Variants in CADPS2 observed in about 807,000 individuals in gnomAD.
The protein encoded by CADPS2 is calcium dependent secretion activator 2, also known as calcium-dependent secretion activator 2.
In CADPS2, 93 loss-of-function variants were observed where a neutral mutation model predicts 172.5. That is an observed-to-expected ratio of 0.54 (90% CI 0.46 to 0.64). The LOEUF (loss-of-function observed/expected upper bound fraction) is 0.64. CADPS2 is among the 30% of genes least tolerant of loss of function. The probability of loss-of-function intolerance (pLI) is 0.00; values close to 1 mark genes in which losing one functional copy is unlikely to be tolerated. For missense variants in CADPS2, 1,420 were observed against 1,565.9 expected (o/e 0.91, Z 1.57); for synonymous variants, 546 against 555.2 (o/e 0.98, Z 0.23).
intron 9 of CADPS2, among the ~76,000 whole-genome samples, chr7:122,511,110 T>C (rs980550544): frequency 1.3e-5 from 2 of 152,184 alleles, no homozygotes; most frequent in Non-Finnish European, 2.9e-5. Flanking sequence ...CTTTCTTAAA[T>C]TTAAATTATG....
chr7:122,566,074 A>G (rs1193825144), intron 7 of CADPS2, among the ~76,000 whole-genome samples: 1 of 152,154 alleles, frequency 6.6e-6, no homozygotes, highest in Admixed American at 6.6e-5. Flanking sequence ...ATTTAGCACA[A>G]TGTCTCCCAG....
chr7:122,743,554 CA>C (rs569314992), intron 1 of CADPS2, among the ~76,000 whole-genome samples: 57 of 152,254 alleles, frequency 3.7e-4, no homozygotes, highest in Middle Eastern at 3.4e-3. Flanking sequence ...GATTCCACAG[CA>C]AAGTGGCAGA....
At chr7:122,754,202 A>G (rs756931862) in intron 1 of CADPS2, among the ~76,000 whole-genome samples, 1 of 152,194 alleles carries the variant, frequency 6.6e-6, no homozygotes, top group African/African-American at 2.4e-5. Context: ...CCCTATTAAC[A>G]AAGTAGTGCT....
At chr7:122,388,297 A>T (rs1324538889) in intron 23 of CADPS2, among the ~76,000 whole-genome samples, 1 of 152,068 alleles carries the variant, frequency 6.6e-6, no homozygotes, top group Non-Finnish European at 1.5e-5. Flanking sequence ...AATTTAAAGC[A>T]TAGTATTCCC....
chr7:122,826,066 G>C (rs948347708), intron 1 of CADPS2, among the ~76,000 whole-genome samples: 2 of 152,200 alleles, frequency 1.3e-5, no homozygotes, highest in Non-Finnish European at 2.9e-5. Context: ...GTCCCATACA[G>C]CAAGGCAGCA....
chr7:122,500,640 G>A (rs1471360387), intron 9 of CADPS2, among the ~76,000 whole-genome samples: 1 of 152,122 alleles, frequency 6.6e-6, no homozygotes, highest in Non-Finnish European at 1.5e-5. Context: ...AGGATACACA[G>A]ATAGCTATGA....
intron 20 of CADPS2, among the ~76,000 whole-genome samples, chr7:122,399,734 T>G (rs2045686670): frequency 7.7e-6 from 1 of 129,834 alleles, no homozygotes; most frequent in Non-Finnish European, 1.6e-5. Flanking sequence ...TCACCAAGTC[T>G]GGAGTGCAGT....
chr7:122,484,713 A>G lies in CADPS2; in HGVS notation c.1853-3853T>C, dbSNP rs147590465. Reference sequence around the variant, plus strand: ...CACTATTAAGAGATGTGAAAAGACAAGCCATAGATTAGGAGAAAATATTTG... The same window carrying G: ...CACTATTAAGAGATGTGAAAAGACAGGCCATAGATTAGGAGAAAATATTTG... On this transcript the variant is annotated intron_variant, in intron 11 of 29. Transcript: ENST00000449022. Among the ~76,000 whole-genome samples the G allele has an allele frequency of 2.0e-3, 308 of 152,116 alleles. 1 individual carries two copies. The highest frequency in any genetic ancestry group is 6.5e-3 in the African/African-American group (268 of 41,504).
chr7:122,512,497 G>C (rs2060074888), intron 9 of CADPS2, among the ~76,000 whole-genome samples: 1 of 152,042 alleles, frequency 6.6e-6, no homozygotes, highest in Admixed American at 6.6e-5. Flanking sequence ...TGTTCTATGA[G>C]CAAAGTTATC....
intron 1 of CADPS2, among the ~76,000 whole-genome samples, chr7:122,811,301 G>C (rs1416978364): frequency 6.6e-6 from 1 of 152,116 alleles, no homozygotes; most frequent in Admixed American, 6.6e-5. Flanking sequence ...GCATATGGCT[G>C]CCTTCCAAGT....
At chr7:122,878,217 G>A (rs1019786722) in intron 1 of CADPS2, among the ~76,000 whole-genome samples, 1 of 138,178 alleles carries the variant, frequency 7.2e-6, no homozygotes, top group Non-Finnish European at 1.5e-5. Flanking sequence ...CCGAGATCGC[G>A]CCACTGCACT....
At chr7:122,390,015 C>A (rs2044172116) in intron 22 of CADPS2, among the ~76,000 whole-genome samples, 1 of 152,006 alleles carries the variant, frequency 6.6e-6, no homozygotes, top group Admixed American at 6.6e-5. Flanking sequence ...TTCCTGCCCT[C>A]CACCCTGGCC....
intron 11 of CADPS2, among the ~76,000 whole-genome samples, chr7:122,483,169 C>A (rs1291096636): frequency 6.6e-6 from 1 of 152,064 alleles, no homozygotes; most frequent in African/African-American, 2.4e-5. Context: ...TCAGAACAAG[C>A]ATTTTTATGA....
At chr7:122,863,623 G>A (rs1346357409) in intron 1 of CADPS2, among the ~76,000 whole-genome samples, 4 of 152,186 alleles carry the variant, frequency 2.6e-5, no homozygotes, top group African/African-American at 4.8e-5. Flanking sequence ...TACAAAAAAA[G>A]TTCAAATGAA....
chr7:122,358,868 G>A (rs550367357), intron 27 of CADPS2, among the ~76,000 whole-genome samples: 1 of 152,154 alleles, frequency 6.6e-6, no homozygotes, highest in South Asian at 2.1e-4. Context: ...CTGCTCCAGG[G>A]GGCAACTTGA....
intron 11 of CADPS2, 127 bp downstream of exon 11, chr7:122,489,954 T>C: frequency 1.3e-6 from 1 of 765,130 alleles, no homozygotes; most frequent in African/African-American, 1.8e-5. Context: ...ACTACTAATA[T>C]GAACTATTTT....
chr7:122,724,723 G>A (rs906379745), intron 2 of CADPS2, among the ~76,000 whole-genome samples: 2 of 151,568 alleles, frequency 1.3e-5, no homozygotes, highest in Non-Finnish European at 2.9e-5. Context: ...AACAAAACTC[G>A]CAACGTTTTT....
At chr7:122,849,012 A>T (rs1335088279) in intron 1 of CADPS2, among the ~76,000 whole-genome samples, 1 of 152,234 alleles carries the variant, frequency 6.6e-6, no homozygotes, top group African/African-American at 2.4e-5. Context: ...AGGCAGGTTA[A>T]TGAACAATTA....
chr7:122,493,365 T>C (rs1361093483), intron 9 of CADPS2, among the ~76,000 whole-genome samples: 1 of 152,204 alleles, frequency 6.6e-6, no homozygotes, highest in Admixed American at 6.5e-5. Flanking sequence ...ATATATTTTC[T>C]GTTCTGAGAA....
Sources: gnomAD v4.1 joint callset for allele counts (sites outside exome capture counted in the v4.1 genomes callset) on GRCh38, gnomAD v4.1.1 for gene constraint, MANE v1.5 for transcripts, NCBI Gene and HGNC (gene_info 2026-07-23, HGNC 2026-07-21) for gene names.